ALDH1L1: variants seen among roughly 807,000 people sequenced by gnomAD.
ALDH1L1 encodes cytosolic 10-formyltetrahydrofolate dehydrogenase.
In ALDH1L1, 68 loss-of-function variants were observed where a neutral mutation model predicts 101.1. The ratio of observed to expected loss-of-function variants is 0.67; its 90% CI spans 0.55 to 0.82. The LOEUF (loss-of-function observed/expected upper bound fraction) is 0.82, where lower values mean the gene tolerates loss of function less well. Among genes scored for constraint, ALDH1L1 ranks in the 40% least tolerant of loss-of-function variants. ALDH1L1 has a pLI of 0.00. For missense variants in ALDH1L1, 1,087 were observed against 1,172.7 expected (o/e 0.93, Z 1.07); for synonymous variants, 486 against 470.8 (o/e 1.03, Z -0.42).
chr3:126,130,355 C>G lies in ALDH1L1; in HGVS notation c.1624-62G>C, dbSNP rs555672768. 2.1e-5 allele frequency: 30 copies of G among 1,432,624 alleles called. No individual in the cohort carries two copies. The African/African-American group carries it at 3.9e-4, about 19-fold the overall frequency. 88.7% of individuals were successfully genotyped at this position (1,432,624 alleles called of 1,614,324 possible). A position where few individuals can be genotyped will look rare whatever the true frequency, so the allele number is the denominator to read the frequency against. On this transcript the variant is annotated intron_variant, in intron 13 of 22. Transcript: ENST00000393434. ...GGGTCCACACCCCTTCCCCTCTAGG[C>G]AGCAAGTCTCCACCAGGGTCTCCAG...
At chr3:126,134,671 C>T (rs1244790794) in intron 12 of ALDH1L1, among the ~76,000 whole-genome samples, 1 of 152,246 alleles carries the variant, frequency 6.6e-6, no homozygotes, top group Admixed American at 6.5e-5. Context: ...CTTTTCTGGC[C>T]TCTGGAGTAT....
intron 22 of ALDH1L1, 106 bp from the exon 23 acceptor site, chr3:126,103,952 CA>C: frequency 7.9e-7 from 1 of 1,268,820 alleles, no homozygotes; most frequent in Admixed American, 2.0e-5. Context: ...AGCTCTGGCT[CA>C]CCCCACTTCC....
intron 1 of ALDH1L1, among the ~76,000 whole-genome samples, chr3:126,165,456 C>T (rs1036764923): frequency 1.3e-5 from 2 of 152,176 alleles, no homozygotes; most frequent in East Asian, 3.9e-4. Context: ...CAGGTAGGAT[C>T]CCCTCCTTTT....
At chr3:126,171,065 G>A (rs1559973686) in intron 1 of ALDH1L1, among the ~76,000 whole-genome samples, 2 of 152,214 alleles carry the variant, frequency 1.3e-5, no homozygotes, top group African/African-American at 4.8e-5. Context: ...TTGGGAGGCC[G>A]AGGCGGGCGG....
rs1222811757 is a variant in ALDH1L1 at position 126,118,103 on chromosome 3, G to A, written c.1889-5C>T. ...GTCTCTGGCCGACCAGGGAGCCTGTGGGCGGGAGGGAGGGGGGAATCAGAG... is the reference window on the plus strand; with the variant it reads ...GTCTCTGGCCGACCAGGGAGCCTGTAGGCGGGAGGGAGGGGGGAATCAGAG... On this transcript the variant is annotated splice_region_variant and splice_polypyrimidine_tract_variant and intron_variant, in intron 16 of 22. Transcript: ENST00000393434. 6.2e-6 allele frequency: 10 copies of A among 1,611,680 alleles called. No homozygotes were observed. Among genetic ancestry groups the A allele is most frequent in the Non-Finnish European group, 8.5e-6 (10 of 1,178,714 alleles).
chr3:126,112,753 C>T (rs201854113), intron 19 of ALDH1L1, 29 bp downstream of exon 19: 1 of 1,605,530 alleles, frequency 6.2e-7, no homozygotes, highest in Non-Finnish European at 8.5e-7. Flanking sequence ...AGTGAACCAG[C>T]CGCCCGCAGA....
In ALDH1L1 at chr3:126,103,596, T is replaced by G; in HGVS notation, c.*195A>C. The G allele has an allele frequency of 1.6e-6, 1 of 610,196 alleles. No individual in the cohort carries two copies. The highest frequency in any genetic ancestry group is 2.9e-6 in the Non-Finnish European group (1 of 344,500). 37.8% of individuals were successfully genotyped at this position (610,196 alleles called of 1,614,324 possible). ...CTCTCTTCAGAAGCTTTATTCTCCC[T>G]GGGAGGGGCACACCTCACCCAGCCA... On this transcript the variant is annotated 3_prime_UTR_variant, in exon 23 of 23. Transcript: ENST00000393434.
chr3:126,109,843 C>A, intron 20 of ALDH1L1, 101 bp downstream of exon 20: 1 of 1,511,326 alleles, frequency 6.6e-7, no homozygotes, highest in Non-Finnish European at 8.9e-7. Flanking sequence ...TGTGTAGGTA[C>A]CTGGCCTTCA....
upstream of ALDH1L1, chr3:126,180,644 G>A (rs894780492): frequency 1.5e-6 from 2 of 1,314,948 alleles, no homozygotes; most frequent in East Asian, 3.2e-5. Flanking sequence ...GGGGCGCGGG[G>A]CGGGCGGAGA....
chr3:126,119,480 A>G (rs1207746169), intron 16 of ALDH1L1, among the ~76,000 whole-genome samples: 1 of 152,064 alleles, frequency 6.6e-6, no homozygotes, highest in Non-Finnish European at 1.5e-5. Flanking sequence ...CCATCCCATG[A>G]CTCGCTCAGT....
At chr3:126,138,074 G>A in intron 9 of ALDH1L1, 114 bp from the exon 10 acceptor site, 1 of 1,345,710 alleles carries the variant, frequency 7.4e-7, no homozygotes, top group African/African-American at 1.5e-5. Context: ...CCAGCACCGA[G>A]AGGTAGCCAT....
At chr3:126,140,038 A>C (rs2080536402) in intron 9 of ALDH1L1, among the ~76,000 whole-genome samples, 1 of 152,190 alleles carries the variant, frequency 6.6e-6, no homozygotes, top group South Asian at 2.1e-4. Flanking sequence ...GAAAGAAATG[A>C]ATATACACAT....
Position 126,124,433 on chromosome 3 carries a change from A to G in ALDH1L1, c.1819T>C (p.Leu607=). 6.2e-7 allele frequency: 1 copy of G among 1,611,788 alleles called. No homozygotes were observed. Among genetic ancestry groups the G allele is most frequent in the Non-Finnish European group, 8.5e-7 (1 of 1,179,026 alleles). ...TTTAATGTCAGCTCTGCAAACTTCA[A>G]GGCTGTGAGTGGGGTCACCTGGGTG... ...KPAQVTPLTA[L]KFAELTLKAG... Residue 607 remains leucine, a synonymous_variant, in exon 16 of 23, where the codon TTG becomes CTG. Coordinates refer to ENST00000393434, the MANE Select transcript of ALDH1L1 (RefSeq NM_012190.4).
chr3:126,176,099 A>G (rs746584300), intron 1 of ALDH1L1, among the ~76,000 whole-genome samples: 1 of 152,346 alleles, frequency 6.6e-6, no homozygotes, highest in South Asian at 2.1e-4. Context: ...TTACATTAGC[A>G]CCAAAAAGTG....
In ALDH1L1 at chr3:126,124,547, G is replaced by A. The variant is rs1341344233; in HGVS notation, c.1801-96C>T. On this transcript the variant is annotated intron_variant, in intron 15 of 22. Transcript: ENST00000393434. ...GCCTTCCTCTCCCAGCAGCCCAGCA[G>A]CAAGCTGGGAGAGTAGCTGCAGATT... 2.9e-5 allele frequency: 29 copies of A among 991,298 alleles called. No homozygotes were observed. The Admixed American group carries it at 6.1e-4, about 21-fold the overall frequency. 61.4% of individuals were successfully genotyped at this position (991,298 alleles called of 1,614,324 possible). A position where few individuals can be genotyped will look rare whatever the true frequency, so the allele number is the denominator to read the frequency against.
intron 16 of ALDH1L1, among the ~76,000 whole-genome samples, chr3:126,118,621 A>G (rs1206985660): frequency 6.6e-6 from 1 of 152,018 alleles, no homozygotes; most frequent in Non-Finnish European, 1.5e-5. Context: ...TAGCCCAAGC[A>G]AATCAACCCA....
At chr3:126,141,554 T>A (rs7643512) in intron 9 of ALDH1L1, among the ~76,000 whole-genome samples, 33,980 of 151,800 alleles carry the variant, frequency 0.22, 4,616 homozygotes, top group African/African-American at 0.39. Context: ...CAGAAAGAAA[T>A]CTGGAAAATC....
At chr3:126,107,445 C>T (rs930919065) in intron 20 of ALDH1L1, among the ~76,000 whole-genome samples, 199 bp from the exon 21 acceptor site, 6 of 152,282 alleles carry the variant, frequency 3.9e-5, no homozygotes, top group South Asian at 2.1e-4. Context: ...TGGGTCTCAC[C>T]GTGCTTTTAA....
chr3:126,185,003 C>G (rs768604938), upstream of ALDH1L1, among the ~76,000 whole-genome samples: 1 of 152,192 alleles, frequency 6.6e-6, no homozygotes, highest in Non-Finnish European at 1.5e-5. Context: ...CCCTTAGAAC[C>G]TCTCCCCAGT....
Sources: gnomAD v4.1 joint callset for allele counts (sites outside exome capture counted in the v4.1 genomes callset) on GRCh38, gnomAD v4.1.1 for gene constraint, MANE v1.5 for transcripts, NCBI Gene and HGNC (gene_info 2026-07-23, HGNC 2026-07-21) for gene names.